The following R3HCC1L variants were observed in gnomAD, a reference collection of about 807,000 sequenced individuals.
The protein encoded by R3HCC1L is R3H domain and coiled-coil containing 1 like.
A neutral mutation model predicts 59.9 loss-of-function variants in R3HCC1L; 51 were observed. The observed-to-expected ratio is 0.85, with a 90% CI of 0.68 to 1.07. The LOEUF (loss-of-function observed/expected upper bound fraction) is 1.07. R3HCC1L is among the 50% of genes least tolerant of loss of function. The probability of loss-of-function intolerance (pLI) is 0.00; values close to 1 mark genes in which losing one functional copy is unlikely to be tolerated. For synonymous variants in R3HCC1L, 322 were observed against 315.2 expected (o/e 1.02, Z -0.23); for missense variants, 965 against 933.0 (o/e 1.03, Z -0.45).
intron 9 of R3HCC1L, among the ~76,000 whole-genome samples, chr10:98,237,724 T>C (rs1038425266): frequency 5.9e-5 from 9 of 152,216 alleles, no homozygotes; most frequent in African/African-American, 2.2e-4. Flanking sequence ...GACTCTTTAT[T>C]ATGCTCCAGC....
chr10:98,160,552 G>C (rs983608557), intron 2 of R3HCC1L, among the ~76,000 whole-genome samples: 1 of 152,154 alleles, frequency 6.6e-6, no homozygotes, highest in African/African-American at 2.4e-5. Context: ...GTGTTCAAAA[G>C]TTACTTGGAT....
chr10:98,142,910 G>T (rs186421421), intron 1 of R3HCC1L, among the ~76,000 whole-genome samples: 2 of 152,044 alleles, frequency 1.3e-5, no homozygotes, highest in African/African-American at 4.8e-5. Context: ...ACTCTGGCCT[G>T]GGCCACAGAG....
intron 4 of R3HCC1L, among the ~76,000 whole-genome samples, chr10:98,187,921 T>G (rs1206178014): frequency 3.3e-5 from 5 of 151,840 alleles, no homozygotes; most frequent in African/African-American, 1.2e-4. Flanking sequence ...ACAATTTTTT[T>G]TTGTACATAT....
chr10:98,241,922 C>A (rs1238015426), intron 9 of R3HCC1L, among the ~76,000 whole-genome samples: 1 of 152,134 alleles, frequency 6.6e-6, no homozygotes, highest in Non-Finnish European at 1.5e-5. Flanking sequence ...TATTCATGTT[C>A]TTGTATTTCT....
chr10:98,189,942 G>C (rs1850651993), intron 4 of R3HCC1L, among the ~76,000 whole-genome samples: 1 of 152,190 alleles, frequency 6.6e-6, no homozygotes, highest in Non-Finnish European at 1.5e-5. Flanking sequence ...TGCAAATGCA[G>C]TTGACCCTTA....
At chr10:98,228,751 A>G (rs1855980191) in intron 5 of R3HCC1L, among the ~76,000 whole-genome samples, 1 of 152,132 alleles carries the variant, frequency 6.6e-6, no homozygotes, top group African/African-American at 2.4e-5. Flanking sequence ...ATCTTGAATT[A>G]ATTTTTGTAT....
At chr10:98,235,299 G>A in intron 7 of R3HCC1L, 126 bp from the exon 8 acceptor site, 6 of 771,286 alleles carry the variant, frequency 7.8e-6, no homozygotes, top group Non-Finnish European at 1.3e-5. Context: ...TTGATCTTTA[G>A]ATCTGTCTCT....
At position 98,149,162 on chromosome 10, in the gene R3HCC1L, A is replaced by C. The variant is rs1257391506; in HGVS notation, c.-267-6931A>C. On this transcript the variant is annotated intron_variant, in intron 1 of 9. Transcript: ENST00000298999. ...TCCAATTTGTTGGCATATAGATGTT[A>C]ATAATAGTCTCTAATGATTCTTTGT... is the stretch of plus-strand genomic sequence containing the variant. 3.3e-5 allele frequency among the ~76,000 whole-genome samples: 5 copies of C among 152,212 alleles called. No individual in the cohort carries two copies. In the East Asian group the frequency reaches 9.6e-4, roughly 29 times the overall value.
chr10:98,153,213 T>A (rs932868569), intron 1 of R3HCC1L, among the ~76,000 whole-genome samples: 2 of 152,242 alleles, frequency 1.3e-5, no homozygotes, highest in Non-Finnish European at 2.9e-5. Flanking sequence ...AGATTGTTGC[T>A]GTGTCTGTGT....
chr10:98,164,613 G>A (rs898753024), intron 4 of R3HCC1L, among the ~76,000 whole-genome samples: 2 of 152,184 alleles, frequency 1.3e-5, no homozygotes, highest in Admixed American at 6.5e-5. Flanking sequence ...TGGCTATAAA[G>A]AGTGACACTG....
At chr10:98,223,843 C>G (rs1855348670) in intron 5 of R3HCC1L, among the ~76,000 whole-genome samples, 2 of 152,218 alleles carry the variant, frequency 1.3e-5, no homozygotes, top group South Asian at 4.2e-4. Flanking sequence ...ATCCTTAGGC[C>G]TCCAGGCATT....
chr10:98,227,532 A>T (rs909944177), intron 5 of R3HCC1L, among the ~76,000 whole-genome samples: 8 of 151,904 alleles, frequency 5.3e-5, no homozygotes, highest in African/African-American at 1.9e-4. Flanking sequence ...AGAGAGAAAA[A>T]TATTATCTAA....
chr10:98,180,046 C>G (rs1849479977), intron 4 of R3HCC1L, among the ~76,000 whole-genome samples: 1 of 152,114 alleles, frequency 6.6e-6, no homozygotes, highest in Admixed American at 6.5e-5. Context: ...GTTTTTGTGT[C>G]TCTATTTCCT....
At chr10:98,197,753 A>G (rs1171836265) in intron 4 of R3HCC1L, among the ~76,000 whole-genome samples, 5 of 152,240 alleles carry the variant, frequency 3.3e-5, no homozygotes, top group Non-Finnish European at 7.3e-5. Context: ...ACAAGTAACT[A>G]TAAAGCAGTA....
intron 9 of R3HCC1L, among the ~76,000 whole-genome samples, chr10:98,241,019 C>T (rs1049094928): frequency 6.6e-6 from 1 of 152,146 alleles, no homozygotes; most frequent in African/African-American, 2.4e-5. Context: ...TTATTCTACT[C>T]TCTAGAGTTA....
In R3HCC1L at chr10:98,152,303, C is replaced by T. The variant is rs190402883; in HGVS notation, c.-267-3790C>T. On this transcript the variant is annotated intron_variant, in intron 1 of 9. Transcript: ENST00000298999. ...GCAGTGGCGCCATCTCGGCTAGCTA[C>T]GACCTCCACCTCCCAGCCGCCTGCC... Among the ~76,000 whole-genome samples the T allele has an allele frequency of 3.7e-4, 56 of 152,240 alleles. 1 individual carries two copies. In the East Asian group the frequency reaches 0.01, roughly 28 times the overall value.
Position 98,244,161 on chromosome 10 carries a change from A to G in R3HCC1L, c.*3A>G. Reference sequence around the variant, plus strand: ...GCAGAGACCAGTCTACAGTTTGAACATCACTCAATGAAAGGGATAATTCCA... The same window carrying G: ...GCAGAGACCAGTCTACAGTTTGAACGTCACTCAATGAAAGGGATAATTCCA... On this transcript the variant is annotated 3_prime_UTR_variant, in exon 10 of 10. Coordinates refer to ENST00000298999, the MANE Select transcript of R3HCC1L (RefSeq NM_001351015.2). The G allele has an allele frequency of 6.2e-7, 1 of 1,613,310 alleles. No individual in the cohort carries two copies. Among genetic ancestry groups the G allele is most frequent in the African/African-American group, 1.3e-5 (1 of 75,034 alleles).
chr10:98,147,847 C>T (rs571881029), intron 1 of R3HCC1L, among the ~76,000 whole-genome samples: 8 of 152,098 alleles, frequency 5.3e-5, no homozygotes, highest in Non-Finnish European at 5.9e-5. Context: ...TAGTGTGATA[C>T]CTCCAGTTTT....
intron 4 of R3HCC1L, among the ~76,000 whole-genome samples, chr10:98,179,428 G>GT (rs1199173857): frequency 1.3e-5 from 2 of 152,088 alleles, no homozygotes; most frequent in Non-Finnish European, 2.9e-5. Flanking sequence ...TGGTCTTGGT[G>GT]GATAAGCTTT....
Sources: gnomAD v4.1 joint callset for allele counts (sites outside exome capture counted in the v4.1 genomes callset) on GRCh38, gnomAD v4.1.1 for gene constraint, MANE v1.5 for transcripts, NCBI Gene and HGNC (gene_info 2026-07-23, HGNC 2026-07-21) for gene names.